The following HDAC9 variants were observed in gnomAD, a reference collection of about 807,000 sequenced individuals.
HDAC9 encodes histone deacetylase 9.
In HDAC9, 41 loss-of-function variants were observed where a neutral mutation model predicts 139.4. The ratio of observed to expected loss-of-function variants is 0.29; its 90% CI spans 0.23 to 0.38. The LOEUF is 0.38. Ranked by LOEUF, HDAC9 falls within the 10% of genes least tolerant of loss-of-function variation. The probability of loss-of-function intolerance (pLI) is 1.00; values close to 1 mark genes in which losing one functional copy is unlikely to be tolerated. For missense variants in HDAC9, 1,147 were observed against 1,297.0 expected (o/e 0.88, Z 1.78); for synonymous variants, 517 against 476.2 (o/e 1.09, Z -1.12).
At chr7:18,657,264 A>G (rs930258837) in intron 11 of HDAC9, among the ~76,000 whole-genome samples, 1 of 152,002 alleles carries the variant, frequency 6.6e-6, no homozygotes, top group African/African-American at 2.4e-5. Context: ...TTTGTTGGTC[A>G]CTGTGTTTAA....
chr7:18,116,804 T>C lies in HDAC9; in HGVS notation c.-97+29591T>C, dbSNP rs78901226. ...TGACTTCTATCTTGCTGCATGACCT[T>C]GGGGAAAATTGGCTTAAATGTATGA... On this transcript the variant is annotated intron_variant, in intron 1 of 12. Transcript: ENST00000417496. Among the ~76,000 whole-genome samples the C allele has an allele frequency of 6.7e-3, 1,016 of 152,214 alleles. 16 individuals are homozygous for C. The highest frequency in any genetic ancestry group is 0.023 in the African/African-American group (973 of 41,516).
At chr7:18,851,142 C>T (rs1035032221) in intron 21 of HDAC9, among the ~76,000 whole-genome samples, 1 of 152,204 alleles carries the variant, frequency 6.6e-6, no homozygotes, top group African/African-American at 2.4e-5. Context: ...TCTCTGCTCT[C>T]ACCAGATTTC....
At chr7:18,976,243 C>T (rs1263480864) in intron 25 of HDAC9, among the ~76,000 whole-genome samples, 2 of 152,174 alleles carry the variant, frequency 1.3e-5, no homozygotes, top group African/African-American at 4.8e-5. Flanking sequence ...GAGTGCAGAT[C>T]GTTATGGAAA....
chr7:18,624,418 C>T (rs1393487095), intron 6 of HDAC9, among the ~76,000 whole-genome samples: 1 of 152,112 alleles, frequency 6.6e-6, no homozygotes, highest in African/African-American at 2.4e-5. Flanking sequence ...AATTTTTATA[C>T]AAAGTTTTCA....
intron 17 of HDAC9, among the ~76,000 whole-genome samples, chr7:18,797,443 A>G (rs769111412): frequency 6.6e-6 from 1 of 152,230 alleles, no homozygotes; most frequent in Non-Finnish European, 1.5e-5. Flanking sequence ...ATCCAATTTA[A>G]GAATTGAACT....
chr7:18,722,576 GA>G (rs1785225005), intron 12 of HDAC9, among the ~76,000 whole-genome samples: 1 of 152,106 alleles, frequency 6.6e-6, no homozygotes, highest in Non-Finnish European at 1.5e-5. Context: ...AGAGACAACA[GA>G]AAAATGTAAT....
At chr7:18,157,925 T>C (rs771137803) in intron 1 of HDAC9, among the ~76,000 whole-genome samples, 1 of 151,992 alleles carries the variant, frequency 6.6e-6, no homozygotes, top group Non-Finnish European at 1.5e-5. Flanking sequence ...AAATGATCTG[T>C]ATAGTGATTG....
At chr7:18,562,321 A>G (rs142049304) in intron 2 of HDAC9, among the ~76,000 whole-genome samples, 40 of 152,210 alleles carry the variant, frequency 2.6e-4, no homozygotes, top group Non-Finnish European at 4.3e-4. Flanking sequence ...ATGTAGTCCA[A>G]TTTATGTGTT....
intron 1 of HDAC9, among the ~76,000 whole-genome samples, chr7:18,335,632 A>T (rs1347497886): frequency 2.0e-5 from 3 of 151,724 alleles, no homozygotes; most frequent in Admixed American, 1.3e-4. Context: ...TGGGGAAAGT[A>T]GATTTATTCT....
At chr7:18,121,529 C>T (rs1322223744) in intron 1 of HDAC9, among the ~76,000 whole-genome samples, 8 of 136,802 alleles carry the variant, frequency 5.8e-5, no homozygotes, top group South Asian at 2.4e-4. Context: ...GTAAGGTGAG[C>T]ACCATAAGAA....
intron 1 of HDAC9, among the ~76,000 whole-genome samples, chr7:18,091,866 T>TA (rs1158078175): frequency 6.6e-6 from 1 of 152,230 alleles, no homozygotes; most frequent in Non-Finnish European, 1.5e-5. Context: ...CCTTAACTCT[T>TA]AGAGGCTGCT....
At chr7:18,568,087 G>T (rs570713172) in intron 2 of HDAC9, among the ~76,000 whole-genome samples, 3 of 144,182 alleles carry the variant, frequency 2.1e-5, no homozygotes, top group African/African-American at 7.7e-5. Flanking sequence ...CTGCTGCACA[G>T]ATTGGAACAG....
At chr7:18,504,908 A>T (rs1799341959) in intron 2 of HDAC9, among the ~76,000 whole-genome samples, 1 of 152,226 alleles carries the variant, frequency 6.6e-6, no homozygotes, top group African/African-American at 2.4e-5. Context: ...TTAGCATAGG[A>T]TAATTCTGCT....
intron 1 of HDAC9, among the ~76,000 whole-genome samples, chr7:18,318,228 A>G (rs984792190): frequency 1.3e-5 from 2 of 152,230 alleles, no homozygotes; most frequent in African/African-American, 4.8e-5. Flanking sequence ...GGAGAATTAC[A>G]ATAGGACTGT....
intron 12 of HDAC9, among the ~76,000 whole-genome samples, chr7:18,671,820 A>G (rs990439397): frequency 6.6e-6 from 1 of 152,034 alleles, no homozygotes; most frequent in Non-Finnish European, 1.5e-5. Flanking sequence ...GAAGTCATGC[A>G]TTATGTGGCC....
chr7:18,496,615 T>C (rs1391526333), intron 2 of HDAC9: 9 of 389,046 alleles, frequency 2.3e-5, no homozygotes, highest in Non-Finnish European at 4.2e-5. Flanking sequence ...GCCTTTACTA[T>C]GCAACTAGAA....
At chr7:18,560,084 T>A (rs1318362502) in intron 2 of HDAC9, among the ~76,000 whole-genome samples, 1 of 152,002 alleles carries the variant, frequency 6.6e-6, no homozygotes, top group Non-Finnish European at 1.5e-5. Context: ...AAGAGGCAAT[T>A]TTTTTATTAT....
intron 1 of HDAC9, among the ~76,000 whole-genome samples, chr7:18,454,205 A>T (rs1793139792): frequency 6.6e-6 from 1 of 152,150 alleles, no homozygotes; most frequent in South Asian, 2.1e-4. Context: ...TTACAAAATC[A>T]GAGATTTTTT....
chr7:18,935,089 A>G (rs933601810), intron 22 of HDAC9, among the ~76,000 whole-genome samples: 4 of 152,176 alleles, frequency 2.6e-5, no homozygotes, highest in Non-Finnish European at 4.4e-5. Context: ...TAGAAAAGGA[A>G]AGCAATGGAA....
Sources: gnomAD v4.1 joint callset for allele counts (sites outside exome capture counted in the v4.1 genomes callset) on GRCh38, gnomAD v4.1.1 for gene constraint, MANE v1.5 for transcripts, NCBI Gene and HGNC (gene_info 2026-07-23, HGNC 2026-07-21) for gene names.